FGFR2: variants seen among roughly 807,000 people sequenced by gnomAD.
FGFR2 encodes the protein fibroblast growth factor receptor 2.
Under a neutral mutation model 95.9 loss-of-function variants are expected in FGFR2, and 19 were observed. The observed-to-expected ratio is 0.20, with a 90% confidence interval of 0.14 to 0.29. FGFR2 has a LOEUF of 0.29. FGFR2 is among the 10% of genes least tolerant of loss of function. FGFR2 has a pLI of 1.00. For missense variants in FGFR2, 707 were observed against 1,056.9 expected (o/e 0.67, Z 4.59); for synonymous variants, 392 against 393.3 (o/e 1.00, Z 0.04).
rs1332594019 is a variant in FGFR2 at position 121,568,067 on chromosome 10, T to C, written c.110-2363A>G. Reference sequence around the variant, plus strand: ...AAATGCGGCTGAATTGAGTGACTAATAGAAATACTTTAAACTATGGAGACC... The same window carrying C: ...AAATGCGGCTGAATTGAGTGACTAACAGAAATACTTTAAACTATGGAGACC... On this transcript the variant is annotated intron_variant, in intron 2 of 17. Transcript: ENST00000358487. Among the ~76,000 whole-genome samples, 6 of 152,232 alleles carry C rather than the reference T, an allele frequency of 3.9e-5. No individual in the cohort carries two copies. In the East Asian group the frequency reaches 5.8e-4, roughly 15 times the overall value.
intron 6 of FGFR2, among the ~76,000 whole-genome samples, chr10:121,532,611 G>A (rs758178033): frequency 6.6e-6 from 1 of 152,072 alleles, no homozygotes; most frequent in Non-Finnish European, 1.5e-5. Context: ...CCGTGCCTCC[G>A]TCCCCTGGCC....
rs116941087 is a variant in FGFR2 at position 121,567,698 on chromosome 10, C to T, written c.110-1994G>A. Among the ~76,000 whole-genome samples the T allele has an allele frequency of 3.7e-3, 563 of 152,308 alleles. 9 individuals carry two copies. The East Asian group carries it at 0.062, about 17-fold the overall frequency. ...GGGCTGGTCCCTTGGCAGGAGGTGG[C>T]GGATGATGGCCCGCGGGCCAAGCCA... On this transcript the variant is annotated intron_variant, in intron 2 of 17. Coordinates refer to ENST00000358487, the MANE Select transcript of FGFR2 (RefSeq NM_000141.5).
At chr10:121,511,237 G>A (rs1195273336) in intron 9 of FGFR2, among the ~76,000 whole-genome samples, 1 of 151,954 alleles carries the variant, frequency 6.6e-6, no homozygotes, top group African/African-American at 2.4e-5. Flanking sequence ...GAGAGAGGGT[G>A]TAAGCTGCAC....
intron 4 of FGFR2, among the ~76,000 whole-genome samples, chr10:121,560,075 C>G (rs541278601): frequency 1.3e-5 from 2 of 152,172 alleles, no homozygotes; most frequent in Non-Finnish European, 2.9e-5. Context: ...AACACCTGTA[C>G]AAGCATTCTC....
At chr10:121,541,070 G>A (rs1017576831) in intron 5 of FGFR2, among the ~76,000 whole-genome samples, 4 of 152,138 alleles carry the variant, frequency 2.6e-5, no homozygotes, top group African/African-American at 7.2e-5. Flanking sequence ...TCAAGAGCAC[G>A]TGCTCTCTGA....
intron 9 of FGFR2, among the ~76,000 whole-genome samples, chr10:121,506,125 A>C (rs550656343): frequency 1.3e-5 from 2 of 151,994 alleles, no homozygotes; most frequent in South Asian, 4.2e-4. Flanking sequence ...GGGAGGAGGA[A>C]GTGGGCAGAT....
intron 16 of FGFR2, among the ~76,000 whole-genome samples, chr10:121,484,178 C>T (rs1001680678): frequency 4.6e-5 from 7 of 152,168 alleles, no homozygotes; most frequent in Admixed American, 2.0e-4. Flanking sequence ...CCCTGACACC[C>T]TGCCCAGCAC....
At chr10:121,486,327 A>G (rs1845398897) in intron 15 of FGFR2, among the ~76,000 whole-genome samples, 1 of 152,240 alleles carries the variant, frequency 6.6e-6, no homozygotes, top group South Asian at 2.1e-4. Context: ...AGTTGCTCAC[A>G]GCAAAAATGG....
intron 4 of FGFR2, among the ~76,000 whole-genome samples, chr10:121,563,611 C>T (rs1460398716): frequency 1.3e-5 from 2 of 152,206 alleles, no homozygotes; most frequent in Non-Finnish European, 1.5e-5. Flanking sequence ...CAAGCAACCA[C>T]TCTTCTGAGC....
chr10:121,535,449 A>G (rs1852695847), intron 6 of FGFR2, among the ~76,000 whole-genome samples: 1 of 152,200 alleles, frequency 6.6e-6, no homozygotes. Context: ...CCACGGCATA[A>G]GCCGCTTTTT....
chr10:121,573,355 G>A (rs1288006070), intron 2 of FGFR2, among the ~76,000 whole-genome samples: 1 of 152,156 alleles, frequency 6.6e-6, no homozygotes, highest in Non-Finnish European at 1.5e-5. Context: ...TCCCAGGGAT[G>A]GTGTCTTTTC....
In FGFR2 at chr10:121,479,720, G is replaced by T; in HGVS notation, c.*137C>A. The stretch of plus-strand genomic sequence containing the variant: ...CTGTATAAATCTTTACACATATGCT[G>T]ATTACTTTTCCAATTATTTACTCCT... On this transcript the variant is annotated 3_prime_UTR_variant, in exon 18 of 18. Transcript: ENST00000358487. 6.2e-7 allele frequency: 1 copy of T among 1,605,862 alleles called. No homozygotes were observed. Among genetic ancestry groups the T allele is most frequent in the Non-Finnish European group, 8.5e-7 (1 of 1,175,366 alleles).
Position 121,517,903 on chromosome 10 carries a change from G to A in FGFR2, c.940-440C>T. 2.8e-6 allele frequency: 1 copy of A among 357,254 alleles called. No individual in the cohort carries two copies. Among genetic ancestry groups the A allele is most frequent in the Non-Finnish European group, 5.4e-6 (1 of 183,532 alleles). 22.1% of individuals were successfully genotyped at this position (357,254 alleles called of 1,614,324 possible). The stretch of plus-strand genomic sequence containing the variant: ...CAACACACTGCACATAAGCCCAGAT[G>A]GACACCTCACCCATCCTCCTGGCCC... On this transcript the variant is annotated intron_variant, in intron 7 of 17. Transcript: ENST00000358487. This position sits in a 1 kb window ranked among gnomAD's most constrained non-coding sequence, Gnocchi z 4.7.
chr10:121,497,061 G>A (rs1206416628), intron 12 of FGFR2, among the ~76,000 whole-genome samples: 2 of 148,578 alleles, frequency 1.3e-5, no homozygotes, highest in African/African-American at 5.0e-5. Context: ...AACCCAGGAG[G>A]TGGAGGCTGT....
intron 2 of FGFR2, among the ~76,000 whole-genome samples, chr10:121,573,768 T>G (rs1412121851): frequency 6.6e-6 from 1 of 152,076 alleles, no homozygotes; most frequent in Admixed American, 6.5e-5. Context: ...CGTTTGTACC[T>G]GGAGGCACAG....
chr10:121,592,844 C>T (rs947651977), intron 2 of FGFR2, among the ~76,000 whole-genome samples: 3 of 152,136 alleles, frequency 2.0e-5, no homozygotes, highest in Non-Finnish European at 4.4e-5. Context: ...TGGGATCTGC[C>T]GTTTTATTCT....
intron 5 of FGFR2, among the ~76,000 whole-genome samples, chr10:121,543,217 T>C (rs1316346949): frequency 6.6e-6 from 1 of 152,070 alleles, no homozygotes; most frequent in Non-Finnish European, 1.5e-5. Context: ...GCCATTAAAA[T>C]GCAAAAAATC....
chr10:121,480,911 G>C (rs1219072860), intron 17 of FGFR2, among the ~76,000 whole-genome samples: 2 of 151,116 alleles, frequency 1.3e-5, no homozygotes, highest in Admixed American at 1.3e-4. Context: ...ATTGGTAAGC[G>C]GTTGAAAAAA....
rs1293868545 is a variant in FGFR2 at position 121,498,561 on chromosome 10, C to G, written c.1606G>C (p.Glu536Gln). ...KDLSDLVSEM[E>Q]MMKMIGKHKN... is the part of the protein sequence containing the mutation. The stretch of plus-strand genomic sequence containing the variant: ...TGTTTCCCAATCATCTTCATCATCT[C>G]CATCTCTGACACCAGATCAGAAAGG... The change falls in exon 12 of 18, where the codon GAG (glutamate) becomes CAG (glutamine). Residue 536 changes from glutamate (E) to glutamine (Q), a missense_variant. Around this residue, in one of 7 missense-constraint regions of FGFR2, gnomAD observed 194 missense variants for 267.3 expected, o/e 0.73. Transcript: ENST00000358487. The G allele has an allele frequency of 1.2e-6, 2 of 1,614,138 alleles. No individual in the cohort carries two copies. Among genetic ancestry groups the G allele is most frequent in the African/African-American group, 1.3e-5 (1 of 75,040 alleles).
Sources: gnomAD v4.1 joint callset for allele counts (sites outside exome capture counted in the v4.1 genomes callset) on GRCh38, gnomAD v4.1.1 for gene constraint, gnomAD v4.1.1 regional missense constraint, Gnocchi (gnomAD v3.1) non-coding constraint, MANE v1.5 for transcripts, NCBI Gene and HGNC (gene_info 2026-07-23, HGNC 2026-07-21) for gene names.